Variants in COL1A2 observed in about 807,000 individuals in gnomAD.
The protein encoded by COL1A2 is collagen type I alpha 2 chain, also known as collagen alpha-2(I) chain.
COL1A2 carries 49 observed loss-of-function variants against 174.3 expected under a neutral mutation model. That is an observed-to-expected ratio of 0.28 (90% confidence interval 0.22 to 0.36). COL1A2 has a LOEUF of 0.36. COL1A2 is among the 10% of genes least tolerant of loss of function. The probability of loss-of-function intolerance (pLI) is 1.00; values close to 1 mark genes in which losing one functional copy is unlikely to be tolerated. For missense variants in COL1A2, 1,438 were observed against 1,822.7 expected, an observed-to-expected ratio of 0.79 and a Z score of 3.84; for synonymous variants, 655 against 606.6, an observed-to-expected ratio of 1.08 and a Z score of -1.17.
intron 12 of COL1A2, 96 bp downstream of exon 12, chr7:94,406,399 C>T: frequency 2.7e-6 from 3 of 1,111,242 alleles, no homozygotes; most frequent in Non-Finnish European, 4.1e-6. Flanking sequence ...ACCCATATTA[C>T]AAAAAGTATT....
chr7:94,402,583 A>G (rs1446649462), intron 6 of COL1A2, among the ~76,000 whole-genome samples: 1 of 152,082 alleles, frequency 6.6e-6, no homozygotes, highest in Non-Finnish European at 1.5e-5. Context: ...GTTTGAAGGG[A>G]AAAATGCTAA....
In COL1A2 at chr7:94,398,697, T is replaced by TA; in HGVS notation, c.96+308dup. Among the ~76,000 whole-genome samples the TA allele has an allele frequency of 2.6e-5, 4 of 152,014 alleles. No homozygotes were observed. The East Asian group carries it at 7.7e-4, about 29-fold the overall frequency. ...GGCATATTATGTTAATTATAGGGAG[T>TA]AAAAAAAGTTTATTTTAAAGGGCTT... On this transcript the variant is annotated intron_variant, in intron 3 of 51. Coordinates refer to ENST00000297268, the MANE Select transcript of COL1A2 (RefSeq NM_000089.4).
Position 94,409,932 on chromosome 7 carries a change from T to C in COL1A2, c.1035+111T>C. ...TTTATTATTCCTATTTTTCTCTTCC[T>C]TAGCATTTTTAGTTTATATTTCTTA... On this transcript the variant is annotated intron_variant, in intron 19 of 51. Transcript: ENST00000297268. The C allele has an allele frequency of 2.8e-6, 3 of 1,076,980 alleles. No individual in the cohort carries two copies. In the Admixed American group the frequency reaches 6.0e-5, roughly 21 times the overall value. The allele number at this position is 1,076,980 out of a possible 1,614,324, so 66.7% of individuals were successfully genotyped here.
intron 46 of COL1A2, 39 bp downstream of exon 46, chr7:94,426,569 T>C: frequency 6.8e-7 from 1 of 1,474,936 alleles, no homozygotes; most frequent in South Asian, 1.2e-5. Context: ...AAACTGATCC[T>C]GAAGGCCTTC....
chr7:94,416,887 C>A (rs10487254), intron 31 of COL1A2: 30,759 of 182,204 alleles, frequency 0.17, 2,866 homozygotes, highest in Admixed American at 0.29. Flanking sequence ...AGTAGTCTGA[C>A]TTTTAATAAT....
chr7:94,420,545 C>T lies in COL1A2; in HGVS notation c.2192C>T (p.Ala731Val). 6.2e-7 allele frequency: 1 copy of T among 1,613,988 alleles called. No individual in the cohort carries two copies. Reference sequence around the variant, plus strand: ...GTAACTGTTTATTTCCAACAGGGTGCTGCTGGTCAACCTGGTGCTAAAGGA... The same window carrying T: ...GTAACTGTTTATTTCCAACAGGGTGTTGCTGGTCAACCTGGTGCTAAAGGA... ...GPNGFAGPAG[A>V]AGQPGAKGER... is the part of the protein sequence containing the mutation. Residue 731 changes from alanine to valine, a missense_variant, in exon 37 of 52, where the codon GCT (alanine) becomes GTT (valine). This residue lies in a region of COL1A2 where 867 missense variants were observed against 1,213.7 expected (regional missense o/e 0.71). Transcript: ENST00000297268.
Position 94,429,333 on chromosome 7 carries a change from T to C in COL1A2, c.3857T>C (p.Leu1286Pro), listed in dbSNP as rs1329362435. Residue 1286 changes from leucine (L) to proline (P), a missense_variant, in exon 51 of 52, where the codon CTG becomes CCG. By Grantham distance (98) the Leu-to-Pro change is moderately conservative. Transcript: ENST00000297268. Reference sequence around the variant, plus strand: ...TACATGGATGAGGAGACTGGCAACCTGAAAAAGGCTGTCATTCTACAGGGC... The same window carrying C: ...TACATGGATGAGGAGACTGGCAACCCGAAAAAGGCTGTCATTCTACAGGGC... The part of the protein sequence containing the change: ...IAYMDEETGN[L>P]KKAVILQGSN... 1 of 1,613,972 alleles carries C rather than the reference T, an allele frequency of 6.2e-7. No individual in the cohort carries two copies. Among genetic ancestry groups the C allele is most frequent in the East Asian group, 2.2e-5 (1 of 44,870 alleles).
At chr7:94,395,930 TAAGC>T (rs1445188540) in intron 1 of COL1A2, among the ~76,000 whole-genome samples, 16 of 152,198 alleles carry the variant, frequency 1.1e-4, no homozygotes, top group Non-Finnish European at 2.2e-4. Context: ...TTCCCAGTGA[TAAGC>T]AAACATTATG....
rs114837909 is a variant in COL1A2, at chr7:94,430,676, T to C, written c.*283T>C. 2.0e-3 allele frequency: 789 copies of C among 395,792 alleles called. 7 individuals are homozygous for C. Among genetic ancestry groups the C allele is most frequent in the African/African-American group, 0.015 (710 of 48,662 alleles). The allele number at this position is 395,792 out of a possible 1,614,324, so 24.5% of individuals were successfully genotyped here. On this transcript the variant is annotated 3_prime_UTR_variant, in exon 52 of 52. Transcript: ENST00000297268. ...CTTTGTAAGAAAACCAAAATAAAAA[T>C]TGAAAAATAAAAACCATAAACATTT... is the stretch of plus-strand genomic sequence containing the variant.
chr7:94,427,167 C>T (rs1792296442), intron 47 of COL1A2, 21 bp from the exon 48 acceptor site: 2 of 1,608,520 alleles, frequency 1.2e-6, no homozygotes, highest in South Asian at 2.2e-5. Context: ...CTCACATGTA[C>T]CTGGTGTCTG....
Position 94,428,421 on chromosome 7 carries a change from A to C in COL1A2, c.3655A>C (p.Ser1219Arg), listed in dbSNP as rs201249318. ...CATCCCAGCCAAGAACTGGTATAGG[A>C]GCTCCAAGGACAAGAAACACGTCTG... is the stretch of plus-strand genomic sequence containing the variant. ...ENIPAKNWYR[S>R]SKDKKHVWLG... is the part of the protein sequence containing the mutation. The change falls in exon 50 of 52, where the codon AGC (serine) becomes CGC (arginine). Residue 1219 changes from serine to arginine, a missense_variant. By Grantham distance (110) the Ser-to-Arg change is moderately radical. Coordinates refer to ENST00000297268, the MANE Select transcript of COL1A2 (RefSeq NM_000089.4). 1 of 1,614,156 alleles carries C rather than the reference A, an allele frequency of 6.2e-7. No individual in the cohort carries two copies. Among genetic ancestry groups the C allele is most frequent in the African/African-American group, 1.3e-5 (1 of 75,040 alleles).
rs532474625 is a variant in COL1A2 at position 94,426,862 on chromosome 7, G to A, written c.3106-146G>A. The A allele has an allele frequency of 2.0e-5, 15 of 734,724 alleles. 1 individual carries two copies. In the South Asian group the frequency reaches 2.3e-4, roughly 11 times the overall value. 45.5% of individuals were successfully genotyped at this position (734,724 alleles called of 1,614,324 possible). The stretch of plus-strand genomic sequence containing the variant: ...AAAATTGAATATAATAGACATAATG[G>A]GAGAAAAGAGCCCCACTTTACATTT... On this transcript the variant is annotated intron_variant, in intron 46 of 51. Coordinates refer to ENST00000297268, the MANE Select transcript of COL1A2 (RefSeq NM_000089.4).
intron 24 of COL1A2, 75 bp from the exon 25 acceptor site, chr7:94,412,509 C>T: frequency 9.1e-7 from 1 of 1,104,510 alleles, no homozygotes; most frequent in East Asian, 2.5e-5. Flanking sequence ...TCTGTTTCAT[C>T]CGTGGCAGCA....
chr7:94,412,048 C>T lies in COL1A2; in HGVS notation c.1351-20C>T, dbSNP rs767468552. Reference sequence around the variant, plus strand: ...GTAAGTTAAAGTGCCAATATAAAAACATCCTCATTTATTTTATAGGGTCTT... The same window carrying T: ...GTAAGTTAAAGTGCCAATATAAAAATATCCTCATTTATTTTATAGGGTCTT... On this transcript the variant is annotated intron_variant, in intron 23 of 51. Transcript: ENST00000297268. 1.9e-6 allele frequency: 3 copies of T among 1,603,116 alleles called. No individual in the cohort carries two copies. The highest frequency in any genetic ancestry group is 1.7e-5 in the Admixed American group (1 of 59,614).
chr7:94,425,386 C>G, intron 42 of COL1A2, 162 bp downstream of exon 42: 1 of 835,602 alleles, frequency 1.2e-6, no homozygotes, highest in Non-Finnish European at 1.9e-6. Context: ...ATTGCTTAGG[C>G]CAAAGAATGG....
intron 42 of COL1A2, 92 bp downstream of exon 42, chr7:94,425,316 T>C: frequency 8.1e-7 from 1 of 1,234,762 alleles, no homozygotes; most frequent in Non-Finnish European, 1.2e-6. Flanking sequence ...TTCTTCCAAA[T>C]TTCTGAACAA....
Position 94,404,851 on chromosome 7 carries a change from G to T in COL1A2, c.391G>T (p.Ala131Ser). 1 of 1,614,046 alleles carries T rather than the reference G, an allele frequency of 6.2e-7. No homozygotes were observed. Among genetic ancestry groups the T allele is most frequent in the Non-Finnish European group, 8.5e-7 (1 of 1,179,988 alleles). The change falls in exon 9 of 52, where the codon GCT becomes TCT. Residue 131 changes from alanine to serine, a missense_variant. Physicochemically the swap from Ala to Ser is moderately conservative, Grantham distance 99. Coordinates refer to ENST00000297268, the MANE Select transcript of COL1A2 (RefSeq NM_000089.4). ...GEPGQTGPAG[A>S]RGPAGPPGKA... The stretch of plus-strand genomic sequence containing the variant: ...CCCATTTTCTTAGGGTCCTGCAGGT[G>T]CTCGTGGTCCAGCTGGCCCTCCTGG...
intron 1 of COL1A2, among the ~76,000 whole-genome samples, chr7:94,396,313 CTTGT>C (rs2115846778): frequency 1.2e-5 from 1 of 80,778 alleles, no homozygotes; most frequent in East Asian, 5.9e-4. Context: ...CATTTGTGTG[CTTGT>C]GTGTGTGTGT....
intron 32 of COL1A2, among the ~76,000 whole-genome samples, chr7:94,418,182 G>A (rs978963079): frequency 1.3e-5 from 2 of 152,156 alleles, no homozygotes; most frequent in African/African-American, 2.4e-5. Flanking sequence ...GTGATCAGGC[G>A]CTGCAGCCCA....
Sources: allele counts gnomAD v4.1 joint callset (sites outside exome capture counted in the v4.1 genomes callset), GRCh38; gene constraint gnomAD v4.1.1; regional missense constraint gnomAD v4.1.1; transcripts MANE v1.5; gene names NCBI Gene and HGNC (gene_info 2026-07-23, HGNC 2026-07-21).